Variants in FIRRM observed in about 807,000 individuals in gnomAD.
FIRRM encodes the protein FIGNL1 interacting regulator of recombination and mitosis, also known as FIGNL1-interacting regulator of recombination and mitosis.
At chr1:169,836,756 A>G in the FIRRM span, among the ~76,000 whole-genome samples, 1 of 152,234 alleles carries the variant, frequency 6.6e-6, no homozygotes, top group Admixed American at 6.5e-5. Context: ...ATCAATAACA[A>G]TAATAATAAA....
the FIRRM span, among the ~76,000 whole-genome samples, chr1:169,798,406 T>A: frequency 6.6e-6 from 1 of 152,068 alleles, no homozygotes; most frequent in Non-Finnish European, 1.5e-5. Flanking sequence ...CAGCTGGGAT[T>A]ACAGGTGTGC....
chr1:169,807,719 TA>T, the FIRRM span: 1 of 1,314,614 alleles, frequency 7.6e-7, no homozygotes, highest in East Asian at 2.7e-5. Flanking sequence ...ACAAGGTAGA[TA>T]TTGTTAGAGG....
At chr1:169,843,590 T>C in the FIRRM span, 14 of 785,526 alleles carry the variant, frequency 1.8e-5, no homozygotes, top group Admixed American at 2.2e-4. Context: ...TTACCTGATA[T>C]ATAATAAATG....
the FIRRM span, among the ~76,000 whole-genome samples, chr1:169,845,372 G>T: frequency 8.5e-5 from 13 of 152,196 alleles, no homozygotes; most frequent in East Asian, 2.5e-3. Flanking sequence ...CAGGATGGTG[G>T]TTGCTGAAGG....
At chr1:169,840,853 T>C in the FIRRM span, among the ~76,000 whole-genome samples, 1 of 152,252 alleles carries the variant, frequency 6.6e-6, no homozygotes, top group African/African-American at 2.4e-5. Flanking sequence ...TATTGGTGTA[T>C]AGAAATGGTA....
the FIRRM span, among the ~76,000 whole-genome samples, chr1:169,799,228 T>A: frequency 6.6e-6 from 1 of 152,240 alleles, no homozygotes; most frequent in Non-Finnish European, 1.5e-5. Context: ...ACGTTAGTTG[T>A]TACGATTAGA....
At chr1:169,808,824 C>G in the FIRRM span, among the ~76,000 whole-genome samples, 2 of 152,256 alleles carry the variant, frequency 1.3e-5, no homozygotes, top group South Asian at 4.1e-4. Context: ...GTCTCGAACT[C>G]CTGACCTCAG....
the FIRRM span, among the ~76,000 whole-genome samples, chr1:169,846,266 A>G: frequency 6.6e-6 from 1 of 152,158 alleles, no homozygotes; most frequent in South Asian, 2.1e-4. Context: ...TTGTTGTTCC[A>G]TTGATAGAGT....
chr1:169,853,193 T>G, the FIRRM span: 1 of 587,826 alleles, frequency 1.7e-6, no homozygotes, highest in African/African-American at 1.9e-5. Context: ...AGTCAGGAAC[T>G]GCCTAGGTCC....
chr1:169,795,040 A>G, the FIRRM span: 1 of 1,300,370 alleles, frequency 7.7e-7, no homozygotes. Context: ...GGTTGGCGGG[A>G]CTGCGAGTTT....
At chr1:169,849,064 T>G in the FIRRM span, among the ~76,000 whole-genome samples, 1 of 152,212 alleles carries the variant, frequency 6.6e-6, no homozygotes, top group African/African-American at 2.4e-5. Flanking sequence ...ATGTGCAGTA[T>G]ATTAAATGGT....
the FIRRM span, chr1:169,830,859 T>G: frequency 3.0e-6 from 3 of 995,000 alleles, no homozygotes; most frequent in Non-Finnish European, 4.8e-6. Context: ...GTAACAAGAT[T>G]GTTTTGACAG....
chr1:169,852,891 C>A, the FIRRM span: 9 of 1,614,106 alleles, frequency 5.6e-6, no homozygotes, highest in Non-Finnish European at 7.6e-6. Flanking sequence ...AGTCACTACT[C>A]CAAAAGGGTC....
At chr1:169,852,775 A>ATGT in the FIRRM span, 12 of 1,612,080 alleles carry the variant, frequency 7.4e-6, no homozygotes, top group East Asian at 2.7e-4. Flanking sequence ...GATATTACTT[A>ATGT]TGTTTTTTTT....
chr1:169,798,975 T>A, the FIRRM span: 1 of 1,099,166 alleles, frequency 9.1e-7, no homozygotes, highest in Non-Finnish European at 1.3e-6. Flanking sequence ...AAAATTGTTT[T>A]AACTGTATGA....
At chr1:169,803,819 G>C in the FIRRM span, among the ~76,000 whole-genome samples, 2 of 152,206 alleles carry the variant, frequency 1.3e-5, no homozygotes, top group East Asian at 3.9e-4. Flanking sequence ...TTTGCTGATA[G>C]GATGCTAAAA....
the FIRRM span, among the ~76,000 whole-genome samples, chr1:169,811,657 T>C: frequency 6.6e-6 from 1 of 151,682 alleles, no homozygotes; most frequent in Non-Finnish European, 1.5e-5. Context: ...CTTGTCTAGA[T>C]AGATAGATAG....
the FIRRM span, among the ~76,000 whole-genome samples, chr1:169,817,930 T>A: frequency 6.7e-6 from 1 of 149,432 alleles, no homozygotes; most frequent in Admixed American, 6.8e-5. Flanking sequence ...CCCTTTAACT[T>A]TAGCCAATAT....
At chr1:169,808,075 T>A in the FIRRM span, 2 of 765,886 alleles carry the variant, frequency 2.6e-6, no homozygotes, top group Non-Finnish European at 2.0e-6. Context: ...GTGGGATTAT[T>A]TATATCCCAT....
Sources: allele counts gnomAD v4.1 joint callset (sites outside exome capture counted in the v4.1 genomes callset), GRCh38; gene constraint gnomAD v4.1.1; transcripts MANE v1.5; gene names NCBI Gene and HGNC (gene_info 2026-07-23, HGNC 2026-07-21).